Variants in MXD4 observed in about 807,000 individuals in gnomAD.
The protein encoded by MXD4 is MAX dimerization protein 4.
In MXD4, 16 loss-of-function variants were observed where a neutral mutation model predicts 24.5. That is an observed-to-expected ratio of 0.65 (90% CI 0.44 to 0.99). MXD4 has a LOEUF of 0.99. Ranked by LOEUF, MXD4 falls within the 50% of genes least tolerant of loss-of-function variation. The probability of loss-of-function intolerance (pLI) is 0.00; values close to 1 mark genes in which losing one functional copy is unlikely to be tolerated. For synonymous variants in MXD4, 164 were observed against 134.2 expected, an observed-to-expected ratio of 1.22 and a Z score of -1.54; for missense variants, 301 against 301.5, an observed-to-expected ratio of 1.00 and a Z score of 0.01.
intron 3 of MXD4, among the ~76,000 whole-genome samples, chr4:2,255,785 C>T (rs1735413367): frequency 6.6e-6 from 1 of 152,210 alleles, no homozygotes; most frequent in Non-Finnish European, 1.5e-5. Flanking sequence ...ACCTCTGACG[C>T]AGCACTTCCC....
chr4:2,258,922 G>A, intron 2 of MXD4: 2 of 456,136 alleles, frequency 4.4e-6, no homozygotes, highest in South Asian at 1.5e-5. Context: ...ACAATTCCCA[G>A]CACCACAGGG....
intron 2 of MXD4, chr4:2,259,039 CG>C (rs1219118729): frequency 1.8e-5 from 8 of 447,316 alleles, no homozygotes; most frequent in Admixed American, 1.7e-4. Context: ...CCAGGGCTCC[CG>C]GGCCTCCCAG....
At chr4:2,255,422 C>A (rs982392516) in intron 3 of MXD4, 2 of 455,980 alleles carry the variant, frequency 4.4e-6, no homozygotes, top group Admixed American at 2.4e-5. Context: ...AACAGGTCCA[C>A]CTGGCCCAAG....
chr4:2,261,157 G>C (rs1735533992), intron 2 of MXD4, among the ~76,000 whole-genome samples: 1 of 152,234 alleles, frequency 6.6e-6, no homozygotes, highest in South Asian at 2.1e-4. Context: ...AGGCTGGGCA[G>C]AAGCGGTGGG....
rs1014065346 is a variant in MXD4 at position 2,249,714 on chromosome 4, G to C, written c.*830C>G. ...CCTGTGCAGACAGGCAGGACTACTGGGTGGGCGTGGGTGAGCAGGAGCTAG... is the reference window on the plus strand; with the variant it reads ...CCTGTGCAGACAGGCAGGACTACTGCGTGGGCGTGGGTGAGCAGGAGCTAG... On this transcript the variant is annotated 3_prime_UTR_variant, in exon 6 of 6. Coordinates refer to ENST00000337190, the MANE Select transcript of MXD4 (RefSeq NM_006454.3). 6.6e-6 allele frequency: 1 copy of C among 152,296 alleles called. No homozygotes were observed. Among genetic ancestry groups the C allele is most frequent in the African/African-American group, 2.4e-5 (1 of 41,456 alleles). The allele number at this position is 152,296 out of a possible 1,614,324, so 9.4% of individuals were successfully genotyped here.
At chr4:2,254,989 A>G (rs2236998) in intron 3 of MXD4, 65,984 of 261,420 alleles carry the variant, frequency 0.25, 13,706 homozygotes, top group African/African-American at 0.68. Context: ...CCCCAGATCC[A>G]CAAAGGTCTG....
At chr4:2,255,257 G>A (rs537757467) in intron 3 of MXD4, 13 of 454,418 alleles carry the variant, frequency 2.9e-5, no homozygotes, top group Non-Finnish European at 1.8e-5. Context: ...GAGCAGTGGA[G>A]GATGTGGCTC....
At chr4:2,260,359 CCT>C (rs760536320) in intron 2 of MXD4, among the ~76,000 whole-genome samples, 8 of 152,264 alleles carry the variant, frequency 5.3e-5, no homozygotes, top group South Asian at 2.1e-4. Flanking sequence ...AATCACATCA[CCT>C]CTCTGAGCCT....
chr4:2,260,361 T>C (rs1032969793), intron 2 of MXD4, among the ~76,000 whole-genome samples: 2 of 152,132 alleles, frequency 1.3e-5, no homozygotes, highest in East Asian at 3.8e-4. Context: ...TCACATCACC[T>C]CTCTGAGCCT....
intron 2 of MXD4, among the ~76,000 whole-genome samples, chr4:2,259,370 C>G (rs1186968575): frequency 6.6e-6 from 1 of 152,234 alleles, no homozygotes; most frequent in Non-Finnish European, 1.5e-5. Flanking sequence ...ACTGCCAGGG[C>G]CAGCCAGGGC....
chr4:2,258,449 G>A (rs1046623125), intron 2 of MXD4, among the ~76,000 whole-genome samples: 1 of 152,164 alleles, frequency 6.6e-6, no homozygotes, highest in African/African-American at 2.4e-5. Context: ...GGATGGGGGA[G>A]GCCCAGGGAG....
chr4:2,247,801 G>T lies in MXD4; in HGVS notation c.*2743C>A. On this transcript the variant is annotated 3_prime_UTR_variant, in exon 6 of 6. Transcript: ENST00000337190. ...CAGGGTTCCACCACCCGGGGACACA[G>T]GCCCAAGCACCGTGCCACTAAGATG... The T allele has an allele frequency of 6.6e-6, 1 of 152,626 alleles. No individual in the cohort carries two copies. The highest frequency in any genetic ancestry group is 1.5e-5 in the Non-Finnish European group (1 of 68,238). The allele number at this position is 152,626 out of a possible 1,614,324, so 9.5% of individuals were successfully genotyped here. A position where few individuals can be genotyped will look rare whatever the true frequency, so the allele number is the denominator to read the frequency against.
intron 2 of MXD4, among the ~76,000 whole-genome samples, chr4:2,261,502 G>T (rs1243605414): frequency 7.3e-5 from 11 of 150,974 alleles, no homozygotes; most frequent in African/African-American, 2.4e-4. Context: ...TTACGCGAGC[G>T]GCCCGGGAGG....
chr4:2,261,669 G>A, intron 2 of MXD4, 56 bp downstream of exon 2: 3 of 1,073,092 alleles, frequency 2.8e-6, no homozygotes, highest in East Asian at 4.0e-5. Flanking sequence ...AGCACGCTCC[G>A]GGCGGGGGCG....
At chr4:2,259,381 C>T (rs200464284) in intron 2 of MXD4, among the ~76,000 whole-genome samples, 3 of 152,218 alleles carry the variant, frequency 2.0e-5, no homozygotes, top group East Asian at 1.9e-4. Context: ...CAGCCAGGGC[C>T]GACCAGGGCC....
chr4:2,260,622 C>G (rs1382180598), intron 2 of MXD4: 1 of 454,800 alleles, frequency 2.2e-6, no homozygotes, highest in Admixed American at 2.4e-5. Flanking sequence ...CAAACTGTCC[C>G]CAGTAGGGGA....
chr4:2,250,601 G>A lies in MXD4; in HGVS notation c.573C>T (p.Gly191=), dbSNP rs761071249. The part of the protein sequence containing the change: ...DDHYSLQSGT[G]GDSGFGPHCR... ...AGTGGGGCCCGAAGCCACTGTCGCCGCCGGTGCCACTCTGCAGGCTGTAGT... is the reference window on the plus strand; with the variant it reads ...AGTGGGGCCCGAAGCCACTGTCGCCACCGGTGCCACTCTGCAGGCTGTAGT... Residue 191 remains glycine (G), a synonymous_variant, in exon 6 of 6, where the codon GGC becomes GGT. Coordinates refer to ENST00000337190, the MANE Select transcript of MXD4 (RefSeq NM_006454.3). 5.9e-5 allele frequency: 95 copies of A among 1,612,038 alleles called. 1 individual carries two copies. The South Asian group carries it at 8.1e-4, about 14-fold the overall frequency.
At chr4:2,251,665 C>T (rs1008313697) in intron 4 of MXD4, among the ~76,000 whole-genome samples, 20 of 152,242 alleles carry the variant, frequency 1.3e-4, no homozygotes, top group African/African-American at 4.6e-4. Flanking sequence ...GTGGCCTATG[C>T]CATGCCTGTC....
chr4:2,261,714 G>A lies in MXD4; in HGVS notation c.164+11C>T, dbSNP rs751009244. On this transcript the variant is annotated intron_variant, in intron 2 of 5. Coordinates refer to ENST00000337190, the MANE Select transcript of MXD4 (RefSeq NM_006454.3). ...ACCGGGCCGGGCGGGGTCGGGAGCG[G>A]GGGGCGGTACCTGTTGTTCGGGGCC... The A allele has an allele frequency of 1.2e-5, 16 of 1,353,382 alleles. 1 individual carries two copies. The South Asian group carries it at 2.0e-4, about 17-fold the overall frequency. The allele number at this position is 1,353,382 out of a possible 1,614,324, so 83.8% of individuals were successfully genotyped here. A position where few individuals can be genotyped will look rare whatever the true frequency, so the allele number is the denominator to read the frequency against.
Sources: gnomAD v4.1 joint callset for allele counts (sites outside exome capture counted in the v4.1 genomes callset) on GRCh38, gnomAD v4.1.1 for gene constraint, MANE v1.5 for transcripts, NCBI Gene and HGNC (gene_info 2026-07-23, HGNC 2026-07-21) for gene names.